Variants in IMPG1 observed in about 807,000 individuals in gnomAD.
IMPG1 encodes the protein interphotoreceptor matrix proteoglycan 1.
A neutral mutation model predicts 92.0 loss-of-function variants in IMPG1; 85 were observed. The ratio of observed to expected loss-of-function variants is 0.92; its 90% CI spans 0.78 to 1.11. The LOEUF (loss-of-function observed/expected upper bound fraction) is 1.11. Ranked by LOEUF, IMPG1 falls within the 50% of genes least tolerant of loss-of-function variation. The pLI is 0.00. For synonymous variants in IMPG1, 367 were observed against 334.1 expected (o/e 1.10, Z -1.08); for missense variants, 1,022 against 956.0 (o/e 1.07, Z -0.91).
At chr6:76,042,378 C>T (rs1190034148) in intron 1 of IMPG1, among the ~76,000 whole-genome samples, 1 of 152,000 alleles carries the variant, frequency 6.6e-6, no homozygotes, top group Non-Finnish European at 1.5e-5. Flanking sequence ...TAGGAACTGC[C>T]AAATATTGAA....
intron 16 of IMPG1, among the ~76,000 whole-genome samples, chr6:75,922,728 CCTAGT>C (rs1480478616): frequency 3.3e-5 from 5 of 151,990 alleles, no homozygotes; most frequent in African/African-American, 1.2e-4. Context: ...ATTTTATGGC[CCTAGT>C]CTAAACTTTT....
At chr6:76,005,588 CAA>C in intron 9 of IMPG1, 54 bp from the exon 10 acceptor site, 6 of 1,573,776 alleles carry the variant, frequency 3.8e-6, no homozygotes, top group Non-Finnish European at 4.3e-6. Flanking sequence ...ACATGCCTTG[CAA>C]AGAGAATCAC....
intron 8 of IMPG1, 125 bp from the exon 9 acceptor site, chr6:76,007,625 G>T (rs1783120315): frequency 1.6e-6 from 1 of 640,674 alleles, no homozygotes. Flanking sequence ...TGTCTCTTTT[G>T]TTTGTTCAGA....
intron 1 of IMPG1, among the ~76,000 whole-genome samples, chr6:76,052,299 G>C (rs555166752): frequency 4.6e-5 from 7 of 152,178 alleles, no homozygotes; most frequent in African/African-American, 1.7e-4. Flanking sequence ...AGTAGGGTGA[G>C]AGGGCAGGGC....
At chr6:76,018,937 T>C in intron 6 of IMPG1, 79 bp from the exon 7 acceptor site, 2 of 1,327,868 alleles carry the variant, frequency 1.5e-6, no homozygotes, top group Non-Finnish European at 2.0e-6. Context: ...TATATGTTGA[T>C]ACTGTCTCAA....
Position 76,045,403 on chromosome 6 carries a change from C to T in IMPG1, c.68-3277G>A, listed in dbSNP as rs112868568. 2.0e-3 allele frequency among the ~76,000 whole-genome samples: 305 copies of T among 150,896 alleles called. 1 individual carries two copies. The highest frequency in any genetic ancestry group is 6.6e-3 in the African/African-American group (273 of 41,248). ...CCATAAACACTTCCTCATATTTTTC[C>T]TACTTTAGGTTCTCTTGGCTGAACA... is the stretch of plus-strand genomic sequence containing the variant. On this transcript the variant is annotated intron_variant, in intron 1 of 16. Coordinates refer to ENST00000369950, the MANE Select transcript of IMPG1 (RefSeq NM_001563.4).
intron 12 of IMPG1, among the ~76,000 whole-genome samples, chr6:75,993,176 G>C (rs977227915): frequency 6.6e-6 from 1 of 152,008 alleles, no homozygotes; most frequent in African/African-American, 2.4e-5. Context: ...ACTATTAGTT[G>C]TTAATAGTTC....
At chr6:76,029,608 A>G (rs958022140) in intron 4 of IMPG1, among the ~76,000 whole-genome samples, 10 of 152,222 alleles carry the variant, frequency 6.6e-5, no homozygotes, top group African/African-American at 2.2e-4. Context: ...CAGCTCAGAA[A>G]GAACAAGAGG....
At chr6:76,034,885 G>A (rs1291301968) in intron 2 of IMPG1, 98 bp from the exon 3 acceptor site, 11 of 981,192 alleles carry the variant, frequency 1.1e-5, no homozygotes, top group Non-Finnish European at 1.5e-5. Context: ...CATGGCTTAT[G>A]TCGACACACT....
At chr6:75,935,168 A>G in intron 14 of IMPG1, 1 of 387,420 alleles carries the variant, frequency 2.6e-6, no homozygotes, top group East Asian at 7.4e-5. Flanking sequence ...CTGATTTCTG[A>G]CTTTAAAAAC....
At chr6:76,036,913 A>G (rs1371183136) in intron 2 of IMPG1, among the ~76,000 whole-genome samples, 1 of 152,238 alleles carries the variant, frequency 6.6e-6, no homozygotes, top group Non-Finnish European at 1.5e-5. Flanking sequence ...ACAAAAAACT[A>G]GATGTCAATG....
intron 12 of IMPG1, among the ~76,000 whole-genome samples, chr6:75,978,895 G>A (rs1318069380): frequency 1.3e-5 from 2 of 152,066 alleles, no homozygotes. Context: ...ACAAACTGTG[G>A]CATAGAAAGA....
rs116249994 is a variant in IMPG1, at chr6:75,991,007, A to G, written c.1291+11911T>C. 2.8e-3 allele frequency among the ~76,000 whole-genome samples: 431 copies of G among 152,348 alleles called. 3 individuals are homozygous for G. Among genetic ancestry groups the G allele is most frequent in the African/African-American group, 9.9e-3 (410 of 41,590 alleles). On this transcript the variant is annotated intron_variant, in intron 12 of 16. Transcript: ENST00000369950. ...AATGCAATTCCCTACAATGGAACCC[A>G]AGGTGACATTTCTTCCTCATAGTCT...
chr6:75,930,111 C>G (rs928786416), intron 15 of IMPG1, among the ~76,000 whole-genome samples: 2 of 152,198 alleles, frequency 1.3e-5, no homozygotes, highest in African/African-American at 4.8e-5. Flanking sequence ...TCATAACACT[C>G]TAAAGTCTGG....
intron 7 of IMPG1, among the ~76,000 whole-genome samples, chr6:76,015,436 A>AG (rs1035093841): frequency 2.0e-5 from 3 of 152,176 alleles, no homozygotes; most frequent in Non-Finnish European, 4.4e-5. Context: ...CACTGACGCC[A>AG]GGGGTCTCTG....
At chr6:76,021,933 C>T (rs1308587425) in intron 6 of IMPG1, among the ~76,000 whole-genome samples, 183 bp downstream of exon 6, 1 of 151,200 alleles carries the variant, frequency 6.6e-6, no homozygotes, top group Admixed American at 6.6e-5. Flanking sequence ...CTATGCTTCC[C>T]CCCTCAGTAC....
chr6:76,018,973 T>C (rs1361203333), intron 6 of IMPG1, 115 bp from the exon 7 acceptor site: 1 of 956,756 alleles, frequency 1.0e-6, no homozygotes, highest in Non-Finnish European at 1.4e-6. Flanking sequence ...GGCTTAAGTG[T>C]TTTGCAATCA....
chr6:76,065,490 A>G (rs1372676360), intron 1 of IMPG1, among the ~76,000 whole-genome samples: 2 of 152,164 alleles, frequency 1.3e-5, no homozygotes, highest in East Asian at 1.9e-4. Context: ...AAGAAAGAAT[A>G]TCAGAGCTTG....
chr6:76,068,360 C>T (rs1784347423), intron 1 of IMPG1, among the ~76,000 whole-genome samples: 1 of 151,918 alleles, frequency 6.6e-6, no homozygotes, highest in Non-Finnish European at 1.5e-5. Context: ...CAAAATCAGC[C>T]CATAATATCA....
Sources: allele counts gnomAD v4.1 joint callset (sites outside exome capture counted in the v4.1 genomes callset), GRCh38; gene constraint gnomAD v4.1.1; transcripts MANE v1.5; gene names NCBI Gene and HGNC (gene_info 2026-07-23, HGNC 2026-07-21).